Variants in UBE2V2 observed in about 807,000 individuals in gnomAD.
UBE2V2 encodes the protein ubiquitin-conjugating enzyme E2 variant 2.
A neutral mutation model predicts 17.2 loss-of-function variants in UBE2V2; 9 were observed. The ratio of observed to expected loss-of-function variants is 0.52; its 90% CI spans 0.32 to 0.91. UBE2V2 has a LOEUF of 0.91. Among genes scored for constraint, UBE2V2 ranks in the 40% least tolerant of loss-of-function variants. The pLI is 0.04. For missense variants in UBE2V2, 133 were observed against 182.6 expected, an observed-to-expected ratio of 0.73 and a Z score of 1.56; for synonymous variants, 61 against 57.5, an observed-to-expected ratio of 1.06 and a Z score of -0.28.
At chr8:48,008,715 C>T (rs1332923978) in intron 1 of UBE2V2, 1 of 205,008 alleles carries the variant, frequency 4.9e-6, no homozygotes, top group Non-Finnish European at 8.7e-6. Flanking sequence ...GGGGTGGCTC[C>T]CGCGCGGGCG....
chr8:48,021,383 T>G (rs1233534117), intron 1 of UBE2V2, among the ~76,000 whole-genome samples: 1 of 149,176 alleles, frequency 6.7e-6, no homozygotes, highest in Non-Finnish European at 1.5e-5. Context: ...CTTGGCTCAC[T>G]GTAAGCTCTG....
At chr8:48,057,971 CT>C (rs1363634428) in intron 3 of UBE2V2, among the ~76,000 whole-genome samples, 1 of 152,090 alleles carries the variant, frequency 6.6e-6, no homozygotes, top group Admixed American at 6.6e-5. Context: ...ATCAGGGTGC[CT>C]TTTATTTCGC....
chr8:48,015,734 A>G (rs2091264003), intron 1 of UBE2V2, among the ~76,000 whole-genome samples: 1 of 152,126 alleles, frequency 6.6e-6, no homozygotes. Flanking sequence ...GAGTGAGATA[A>G]TATGTATTTG....
upstream of UBE2V2, among the ~76,000 whole-genome samples, chr8:48,004,293 T>C (rs1563844712): frequency 6.6e-6 from 1 of 152,162 alleles, no homozygotes; most frequent in Non-Finnish European, 1.5e-5. Context: ...GCTAAGTATA[T>C]AATGCTGAGG....
At chr8:48,047,799 T>G (rs953733307) in intron 2 of UBE2V2, among the ~76,000 whole-genome samples, 7 of 152,052 alleles carry the variant, frequency 4.6e-5, no homozygotes, top group Non-Finnish European at 1.0e-4. Flanking sequence ...CTGCCCGCCT[T>G]TGGCCTCCCA....
upstream of UBE2V2, among the ~76,000 whole-genome samples, chr8:48,007,135 G>A (rs966504904): frequency 6.6e-6 from 1 of 151,604 alleles, no homozygotes; most frequent in Admixed American, 6.6e-5. Context: ...TGATCCGCCC[G>A]CCTCCGCCTC....
intron 2 of UBE2V2, among the ~76,000 whole-genome samples, chr8:48,048,470 G>A (rs2091514585): frequency 6.6e-6 from 1 of 152,174 alleles, no homozygotes; most frequent in Non-Finnish European, 1.5e-5. Context: ...CCTAGGAATA[G>A]AATTGCTGTA....
chr8:48,035,631 T>TGTGTGTG (rs1554657540), intron 1 of UBE2V2, among the ~76,000 whole-genome samples: 14 of 109,540 alleles, frequency 1.3e-4, no homozygotes, highest in East Asian at 1.2e-3. Flanking sequence ...TTTTTTTTTT[T>TGTGTGTG]TGTGTGTGTG....
At chr8:48,011,172 G>A (rs1380881415) in intron 1 of UBE2V2, among the ~76,000 whole-genome samples, 1 of 152,004 alleles carries the variant, frequency 6.6e-6, no homozygotes, top group African/African-American at 2.4e-5. Context: ...TCGATGTAAT[G>A]CACGTGTTTG....
intron 1 of UBE2V2, among the ~76,000 whole-genome samples, chr8:48,019,219 G>A (rs1349802860): frequency 6.6e-6 from 1 of 152,182 alleles, no homozygotes; most frequent in African/African-American, 2.4e-5. Context: ...ACAAAAATTA[G>A]CCAGGTGTGG....
At chr8:48,020,816 C>T (rs915591255) in intron 1 of UBE2V2, among the ~76,000 whole-genome samples, 3 of 151,692 alleles carry the variant, frequency 2.0e-5, no homozygotes, top group Non-Finnish European at 2.9e-5. Context: ...GTTGCGCAAG[C>T]GGGTTTGAAC....
chr8:48,028,549 G>T (rs1036852049), intron 1 of UBE2V2, among the ~76,000 whole-genome samples: 3 of 152,058 alleles, frequency 2.0e-5, no homozygotes, highest in Admixed American at 2.0e-4. Flanking sequence ...TGTTGGTCAG[G>T]CTAATCTCGA....
At chr8:48,047,653 G>A (rs558403428) in intron 2 of UBE2V2, among the ~76,000 whole-genome samples, 18 of 151,954 alleles carry the variant, frequency 1.2e-4, no homozygotes, top group African/African-American at 4.3e-4. Context: ...CACCTCCCGA[G>A]TTCAGGTGAT....
intron 1 of UBE2V2, among the ~76,000 whole-genome samples, chr8:48,029,322 C>T (rs142114158): frequency 6.6e-6 from 1 of 152,304 alleles, no homozygotes; most frequent in African/African-American, 2.4e-5. Flanking sequence ...GAGTAAGACC[C>T]TGTCTCTAAA....
At chr8:48,015,222 G>T (rs1643801401) in intron 1 of UBE2V2, among the ~76,000 whole-genome samples, 1 of 151,728 alleles carries the variant, frequency 6.6e-6, no homozygotes, top group Non-Finnish European at 1.5e-5. Context: ...TACAAAAAAT[G>T]CAAAAATTAG....
the UBE2V2 span, among the ~76,000 whole-genome samples, chr8:47,997,853 T>C: frequency 6.6e-6 from 1 of 151,658 alleles, no homozygotes; most frequent in Admixed American, 6.6e-5. Context: ...GGTCATGCTG[T>C]TCTGGTGGAG....
chr8:48,014,502 G>A (rs1563848415), intron 1 of UBE2V2, among the ~76,000 whole-genome samples: 1 of 151,724 alleles, frequency 6.6e-6, no homozygotes, highest in South Asian at 2.1e-4. Context: ...AAAATTAGCC[G>A]AGTGTGGTGA....
chr8:48,023,592 C>T (rs760123743), intron 1 of UBE2V2, among the ~76,000 whole-genome samples: 4 of 152,028 alleles, frequency 2.6e-5, no homozygotes, highest in Non-Finnish European at 2.9e-5. Flanking sequence ...TCAGGCTGGG[C>T]GCGCAGTAGT....
chr8:47,999,288 C>G, the UBE2V2 span, among the ~76,000 whole-genome samples: 4 of 152,090 alleles, frequency 2.6e-5, no homozygotes, highest in African/African-American at 9.7e-5. Context: ...GCAAAGATCA[C>G]CTGGTGGCTA....
Sources: gnomAD v4.1 joint callset for allele counts (sites outside exome capture counted in the v4.1 genomes callset) on GRCh38, gnomAD v4.1.1 for gene constraint, MANE v1.5 for transcripts, NCBI Gene and HGNC (gene_info 2026-07-23, HGNC 2026-07-21) for gene names.